The following RALYL variants were observed in gnomAD, a reference collection of about 807,000 sequenced individuals.
The protein encoded by RALYL is RNA-binding Raly-like protein.
Under a neutral mutation model 35.1 loss-of-function variants are expected in RALYL, and 29 were observed. That is an observed-to-expected ratio of 0.83 (90% confidence interval 0.61 to 1.13). RALYL has a LOEUF of 1.13. Ranked by LOEUF, RALYL falls within the 50% of genes most tolerant of loss-of-function variation. RALYL has a pLI of 0.00. For synonymous variants in RALYL, 120 were observed against 127.6 expected (o/e 0.94, Z 0.40); for missense variants, 359 against 360.4 (o/e 1.00, Z 0.03).
chr8:84,731,277 C>T (rs1280554586), intron 2 of RALYL, among the ~76,000 whole-genome samples: 1 of 152,078 alleles, frequency 6.6e-6, no homozygotes, highest in East Asian at 1.9e-4. Flanking sequence ...AACTCATGTT[C>T]ATTTGGCCCT....
intron 2 of RALYL, among the ~76,000 whole-genome samples, chr8:84,618,282 G>C (rs1304967666): frequency 1.3e-5 from 2 of 151,718 alleles, no homozygotes; most frequent in Non-Finnish European, 2.9e-5. Context: ...TCTGTTATTG[G>C]TCTATTCAGA....
intron 1 of RALYL, among the ~76,000 whole-genome samples, chr8:84,514,089 C>CCA (rs2057846224): frequency 4.4e-5 from 1 of 22,820 alleles, no homozygotes; most frequent in African/African-American, 1.6e-4. Context: ...GAGATTTCAT[C>CCA]TAAAAAAAAA....
At chr8:84,439,118 A>G (rs783506) in intron 1 of RALYL, among the ~76,000 whole-genome samples, 79,369 of 151,716 alleles carry the variant, frequency 0.52, 21,039 homozygotes, top group African/African-American at 0.6. Context: ...TTAATTCTGT[A>G]AAAAATGATG....
At chr8:84,887,578 A>G (rs748712913) in intron 7 of RALYL, 26 bp from the exon 8 acceptor site, 12 of 1,569,876 alleles carry the variant, frequency 7.6e-6, no homozygotes, top group Admixed American at 3.7e-5. Flanking sequence ...CCAAGGTAGT[A>G]GTCATTTGCT....
chr8:84,568,897 TG>T lies in RALYL; in HGVS notation c.256+39321del, dbSNP rs1807170325. Reference sequence around the variant, plus strand: ...TCCTTTGCCCACTTGTTGATGGGGTTGTTTTTTTCTTGTAAATTTGTTTGAG... The same window carrying T: ...TCCTTTGCCCACTTGTTGATGGGGTTTTTTTTTCTTGTAAATTTGTTTGAG... On this transcript the variant is annotated intron_variant, in intron 2 of 8. Transcript: ENST00000521268. 2.0e-5 allele frequency among the ~76,000 whole-genome samples: 3 copies of T among 152,016 alleles called. No homozygotes were observed. In the South Asian group the frequency reaches 6.2e-4, roughly 32 times the overall value.
intron 2 of RALYL, among the ~76,000 whole-genome samples, chr8:84,572,981 T>C (rs1808386599): frequency 6.6e-6 from 1 of 151,560 alleles, no homozygotes; most frequent in Admixed American, 6.6e-5. Flanking sequence ...TTTGCAACTT[T>C]ATATAATCCC....
At chr8:84,880,277 A>G (rs1025029292) in intron 7 of RALYL, among the ~76,000 whole-genome samples, 1 of 152,100 alleles carries the variant, frequency 6.6e-6, no homozygotes, top group Non-Finnish European at 1.5e-5. Flanking sequence ...GCTAAAGCAA[A>G]CACTCTAAGG....
chr8:84,895,263 A>G (rs1035462227), intron 8 of RALYL, among the ~76,000 whole-genome samples: 13 of 151,710 alleles, frequency 8.6e-5, no homozygotes, highest in Non-Finnish European at 5.9e-5. Context: ...ATTTGGATGG[A>G]GTTAGGGATA....
chr8:84,425,755 A>G (rs961406698), intron 1 of RALYL, among the ~76,000 whole-genome samples: 2 of 151,326 alleles, frequency 1.3e-5, no homozygotes, highest in Non-Finnish European at 2.9e-5. Context: ...CAATTGCAGC[A>G]TCAATTTTTA....
At chr8:84,518,840 T>C (rs1335205831) in intron 1 of RALYL, among the ~76,000 whole-genome samples, 1 of 152,166 alleles carries the variant, frequency 6.6e-6, no homozygotes, top group African/African-American at 2.4e-5. Context: ...GCTGTCATGA[T>C]TGACAGTTTG....
intron 7 of RALYL, among the ~76,000 whole-genome samples, chr8:84,884,763 A>C (rs1238127150): frequency 1.3e-5 from 2 of 152,104 alleles, no homozygotes; most frequent in Non-Finnish European, 2.9e-5. Flanking sequence ...AAAATTTATA[A>C]GATTCAAAGC....
intron 2 of RALYL, among the ~76,000 whole-genome samples, chr8:84,639,008 GATGGAGACTCA>G (rs567337576): frequency 1.4e-3 from 199 of 141,836 alleles, no homozygotes; most frequent in African/African-American, 4.6e-3. Flanking sequence ...ACACAGATGG[GATGGAGACTCA>G]ATATTTAATG....
At chr8:84,819,844 TTCAAAAGAGTGTTA>T (rs1828135105) in intron 4 of RALYL, among the ~76,000 whole-genome samples, 1 of 152,182 alleles carries the variant, frequency 6.6e-6, no homozygotes, top group Non-Finnish European at 1.5e-5. Context: ...TTGATGATAT[TTCAAAAGAGTGTTA>T]TCAGCACTTC....
At chr8:84,749,534 G>T (rs1252408307) in intron 2 of RALYL, among the ~76,000 whole-genome samples, 1 of 152,114 alleles carries the variant, frequency 6.6e-6, no homozygotes, top group Non-Finnish European at 1.5e-5. Context: ...AAACATCATA[G>T]ACAAGGGTTC....
At chr8:84,713,073 C>A in intron 2 of RALYL, among the ~76,000 whole-genome samples, 1 of 151,998 alleles carries the variant, frequency 6.6e-6, no homozygotes, top group Non-Finnish European at 1.5e-5. Flanking sequence ...ATGTTTTCTT[C>A]TAGTAGTTTC....
At chr8:84,329,739 A>G (rs1586337013) in intron 1 of RALYL, among the ~76,000 whole-genome samples, 1 of 152,088 alleles carries the variant, frequency 6.6e-6, no homozygotes, top group Admixed American at 6.6e-5. Context: ...AAATAAGCAG[A>G]TTCTATTAGA....
chr8:84,508,503 G>A (rs1203176395), intron 1 of RALYL, among the ~76,000 whole-genome samples: 1 of 152,074 alleles, frequency 6.6e-6, no homozygotes, highest in Non-Finnish European at 1.5e-5. Flanking sequence ...GATAATAATG[G>A]TGAAGTATTT....
intron 1 of RALYL, among the ~76,000 whole-genome samples, chr8:84,486,029 T>G (rs1270764728): frequency 7.5e-6 from 1 of 132,470 alleles, no homozygotes; most frequent in African/African-American, 2.7e-5. Flanking sequence ...TTTTTTTTTT[T>G]TGAGGAAGAG....
chr8:84,292,584 A>G (rs557695780), intron 1 of RALYL, among the ~76,000 whole-genome samples: 87 of 152,286 alleles, frequency 5.7e-4, no homozygotes, highest in African/African-American at 2.0e-3. Flanking sequence ...ACCTTGCTGG[A>G]TAAAACAAGT....
Sources: gnomAD v4.1 joint callset for allele counts (sites outside exome capture counted in the v4.1 genomes callset) on GRCh38, gnomAD v4.1.1 for gene constraint, MANE v1.5 for transcripts, NCBI Gene and HGNC (gene_info 2026-07-23, HGNC 2026-07-21) for gene names.